RAB22A: variants seen among roughly 807,000 people sequenced by gnomAD.
RAB22A encodes RAB22A, member RAS oncogene family.
Under a neutral mutation model 30.2 loss-of-function variants are expected in RAB22A, and 13 were observed. That is an observed-to-expected ratio of 0.43 (90% confidence interval 0.28 to 0.68). RAB22A has a LOEUF of 0.68. RAB22A is among the 30% of genes least tolerant of loss of function. The pLI, the probability that RAB22A is intolerant of heterozygous loss-of-function variation, is 0.18. For synonymous variants in RAB22A, 89 were observed against 87.2 expected (o/e 1.02, Z -0.11); for missense variants, 177 against 246.8 (o/e 0.72, Z 1.89).
chr20:58,315,259 A>C (rs906493494), intron 2 of RAB22A, among the ~76,000 whole-genome samples: 1 of 152,016 alleles, frequency 6.6e-6, no homozygotes, highest in African/African-American at 2.4e-5. Context: ...CTGTGTCCTG[A>C]CTTCCCATGT....
rs562035255 is a variant in RAB22A, at chr20:58,359,814, G to A, written c.*111G>A. ...ACCTAGCCAGTCTTGAGTCTTCTCC[G>A]TGCAAAAAGGATTCACAGAAATGGA... On this transcript the variant is annotated 3_prime_UTR_variant, in exon 7 of 7. Coordinates refer to ENST00000244040, the MANE Select transcript of RAB22A (RefSeq NM_020673.3). 5.4e-4 allele frequency: 466 copies of A among 865,246 alleles called. No homozygotes were observed. The highest frequency in any genetic ancestry group is 5.8e-4 in the Non-Finnish European group (333 of 570,320). The allele number at this position is 865,246 out of a possible 1,614,324, so 53.6% of individuals were successfully genotyped here. A position where few individuals can be genotyped will look rare whatever the true frequency, so the allele number is the denominator to read the frequency against.
chr20:58,331,026 A>T (rs115164328), intron 2 of RAB22A, among the ~76,000 whole-genome samples: 1 of 152,166 alleles, frequency 6.6e-6, no homozygotes, highest in Non-Finnish European at 1.5e-5. Flanking sequence ...TGTCACTTCT[A>T]GCCAACGCTG....
At chr20:58,340,153 C>T (rs1176026634) in intron 2 of RAB22A, among the ~76,000 whole-genome samples, 1 of 152,156 alleles carries the variant, frequency 6.6e-6, no homozygotes, top group African/African-American at 2.4e-5. Flanking sequence ...ACTCCTGATT[C>T]AAACGTGAAT....
At chr20:58,315,081 C>G (rs940117478) in intron 2 of RAB22A, among the ~76,000 whole-genome samples, 1 of 151,998 alleles carries the variant, frequency 6.6e-6, no homozygotes, top group Non-Finnish European at 1.5e-5. Context: ...TCCACAGGGC[C>G]CTGGAGTCCG....
At chr20:58,336,773 C>T (rs908805609) in intron 2 of RAB22A, among the ~76,000 whole-genome samples, 2 of 152,082 alleles carry the variant, frequency 1.3e-5, no homozygotes, top group African/African-American at 4.8e-5. Flanking sequence ...GAGCTCTGGC[C>T]TCCAGGAGAT....
rs1986182493 is a variant in RAB22A at position 58,309,812 on chromosome 20, G to A, written c.-165G>A. The A allele has an allele frequency of 3.5e-6, 2 of 572,428 alleles. No homozygotes were observed. Among genetic ancestry groups the A allele is most frequent in the Non-Finnish European group, 5.1e-6 (2 of 389,820 alleles). 35.5% of individuals were successfully genotyped at this position (572,428 alleles called of 1,614,324 possible). ...TAAGGCGGGCCCCACGCGGCTGGCA[G>A]CGGACAGGCCGGACCTACGGCCGGA... On this transcript the variant is annotated 5_prime_UTR_variant, in exon 1 of 7. Transcript: ENST00000244040.
At chr20:58,315,868 C>T (rs924839803) in intron 2 of RAB22A, among the ~76,000 whole-genome samples, 3 of 152,154 alleles carry the variant, frequency 2.0e-5, no homozygotes, top group African/African-American at 7.2e-5. Context: ...CAGTTCTCCT[C>T]ATTGTTGCTG....
At position 58,359,142 on chromosome 20, in the gene RAB22A, G is replaced by A. The variant is rs566062943; in HGVS notation, c.488-464G>A. Among the ~76,000 whole-genome samples, 4 of 152,204 alleles carry A rather than the reference G, an allele frequency of 2.6e-5. No individual in the cohort carries two copies. In the South Asian group the frequency reaches 8.3e-4, roughly 32 times the overall value. ...GTGGTGGCCTTGTCATGAGACAGAG[G>A]GACAACCATGTTCTGACTGAACTTT... On this transcript the variant is annotated intron_variant, in intron 6 of 6. Transcript: ENST00000244040.
chr20:58,323,369 TA>T (rs1568865647), intron 2 of RAB22A, among the ~76,000 whole-genome samples: 7 of 152,152 alleles, frequency 4.6e-5, no homozygotes, highest in Admixed American at 6.6e-5. Context: ...AGCTTATCTC[TA>T]TACATTATTT....
chr20:58,350,359 G>A (rs1377396633), intron 3 of RAB22A, among the ~76,000 whole-genome samples: 1 of 152,198 alleles, frequency 6.6e-6, no homozygotes, highest in Non-Finnish European at 1.5e-5. Flanking sequence ...GGAGCAAAGA[G>A]AGAGATGGAA....
chr20:58,324,924 C>T (rs1209974071), intron 2 of RAB22A, among the ~76,000 whole-genome samples: 1 of 132,744 alleles, frequency 7.5e-6, no homozygotes, highest in Non-Finnish European at 1.6e-5. Context: ...ACCTGTAATC[C>T]CAGCACTTTG....
rs1468835822 is a variant in RAB22A at position 58,353,414 on chromosome 20, CTT to C, written c.271-13_271-12del. ...GGTTGCTTAGATCTCCAGTTGCTCTCTTTTTTGTGTGTTACAGGAGACATTTT... is the reference window on the plus strand; with the variant it reads ...GGTTGCTTAGATCTCCAGTTGCTCTCTTTTGTGTGTTACAGGAGACATTTT... On this transcript the variant is annotated splice_polypyrimidine_tract_variant and intron_variant, in intron 4 of 6. Transcript: ENST00000244040. The C allele has an allele frequency of 6.2e-7, 1 of 1,610,104 alleles. No homozygotes were observed. The highest frequency in any genetic ancestry group is 1.3e-5 in the African/African-American group (1 of 74,896).
At chr20:58,339,341 T>C (rs1323799751) in intron 2 of RAB22A, among the ~76,000 whole-genome samples, 2 of 152,158 alleles carry the variant, frequency 1.3e-5, no homozygotes, top group Non-Finnish European at 1.5e-5. Flanking sequence ...GACAAGTAAA[T>C]GGCAGGCTGG....
intron 2 of RAB22A, among the ~76,000 whole-genome samples, chr20:58,339,509 G>A (rs1986819460): frequency 6.6e-6 from 1 of 152,200 alleles, no homozygotes; most frequent in African/African-American, 2.4e-5. Flanking sequence ...GGGAAAAATT[G>A]TAGTAGTCCC....
At chr20:58,347,167 T>A (rs1455121373) in intron 3 of RAB22A, among the ~76,000 whole-genome samples, 1 of 152,234 alleles carries the variant, frequency 6.6e-6, no homozygotes, top group Non-Finnish European at 1.5e-5. Context: ...ACCCTTTTGA[T>A]GAATTGACCA....
rs200250678 is a variant in RAB22A, at chr20:58,340,306, A to AGCTG, written c.117-3410_117-3407dup. ...TTGCCTGTGGGCTAGAAGGAGTTGG[A>AGCTG]GCTGGTGGCTTGGCAGAAGGCAGGA... is the stretch of plus-strand genomic sequence containing the variant. On this transcript the variant is annotated intron_variant, in intron 2 of 6. Transcript: ENST00000244040. 9.3e-3 allele frequency among the ~76,000 whole-genome samples: 1,411 copies of AGCTG among 152,206 alleles called. 16 individuals are homozygous for AGCTG. The highest frequency in any genetic ancestry group is 0.032 in the African/African-American group (1,335 of 41,512).
chr20:58,353,369 A>G, intron 4 of RAB22A, 25 bp downstream of exon 4: 1 of 1,610,844 alleles, frequency 6.2e-7, no homozygotes, highest in South Asian at 1.1e-5. Context: ...TTTTCTTTAG[A>G]TTGTTTTGAA....
intron 2 of RAB22A, among the ~76,000 whole-genome samples, chr20:58,327,944 G>A (rs1000550818): frequency 1.3e-5 from 2 of 152,172 alleles, no homozygotes; most frequent in African/African-American, 2.4e-5. Flanking sequence ...TTTTGAACTA[G>A]ATGTTTTGCC....
chr20:58,331,374 G>A (rs567951839), intron 2 of RAB22A, among the ~76,000 whole-genome samples: 13 of 152,130 alleles, frequency 8.5e-5, no homozygotes, highest in Non-Finnish European at 1.5e-4. Context: ...CCTGCCACTT[G>A]ATTATAAGCT....
Sources: allele counts gnomAD v4.1 joint callset (sites outside exome capture counted in the v4.1 genomes callset), GRCh38; gene constraint gnomAD v4.1.1; transcripts MANE v1.5; gene names NCBI Gene and HGNC (gene_info 2026-07-23, HGNC 2026-07-21).